ALG9: variants seen among roughly 807,000 people sequenced by gnomAD.
ALG9 encodes the protein ALG9 alpha-1,2-mannosyltransferase, also known as alpha-1,2-mannosyltransferase ALG9.
A neutral mutation model predicts 81.8 loss-of-function variants in ALG9; 55 were observed. The observed-to-expected ratio is 0.67, with a 90% confidence interval of 0.54 to 0.84. The LOEUF (loss-of-function observed/expected upper bound fraction) is 0.84. ALG9 is among the 40% of genes least tolerant of loss of function. The pLI is 0.00. For missense variants in ALG9, 629 were observed against 745.0 expected, an observed-to-expected ratio of 0.84 and a Z score of 1.81; for synonymous variants, 278 against 274.3, an observed-to-expected ratio of 1.01 and a Z score of -0.13.
chr11:111,842,953 T>C (rs1956447332), intron 9 of ALG9, among the ~76,000 whole-genome samples: 1 of 152,080 alleles, frequency 6.6e-6, no homozygotes, highest in Non-Finnish European at 1.5e-5. Context: ...ATTATTATTG[T>C]TGTTTTTAAA....
intron 14 of ALG9, chr11:111,798,074 G>A (rs1948565482): frequency 1.2e-5 from 2 of 161,294 alleles, no homozygotes; most frequent in South Asian, 1.3e-4. Context: ...GTGGTAGTCC[G>A]TGCCTGCAGT....
intron 5 of ALG9, chr11:111,858,030 T>C: frequency 5.4e-6 from 2 of 372,102 alleles, no homozygotes; most frequent in South Asian, 4.3e-5. Flanking sequence ...CCTGATTCCC[T>C]GGTTCAAGCG....
chr11:111,817,969 G>A (rs1951772249), intron 13 of ALG9, among the ~76,000 whole-genome samples: 2 of 151,144 alleles, frequency 1.3e-5, no homozygotes, highest in Admixed American at 6.6e-5. Flanking sequence ...AATAGAGACG[G>A]GATTTCACCA....
intron 13 of ALG9, among the ~76,000 whole-genome samples, chr11:111,810,633 G>A (rs1266601160): frequency 2.0e-5 from 3 of 152,160 alleles, no homozygotes; most frequent in Non-Finnish European, 2.9e-5. Flanking sequence ...GCACATATCT[G>A]TAGTTCCAAC....
chr11:111,812,276 A>C (rs1265649634), intron 13 of ALG9, among the ~76,000 whole-genome samples: 1 of 152,154 alleles, frequency 6.6e-6, no homozygotes, highest in Middle Eastern at 3.2e-3. Flanking sequence ...ATTCTTAAAA[A>C]AGAAGAACAG....
chr11:111,857,278 A>G (rs1329694095), intron 6 of ALG9, among the ~76,000 whole-genome samples: 1 of 152,276 alleles, frequency 6.6e-6, no homozygotes, highest in East Asian at 1.9e-4. Context: ...CTTAAAGGTA[A>G]ATTATTCAAA....
At chr11:111,768,762 A>G in the ALG9 span, 1 of 150,900 alleles carries the variant, frequency 6.6e-6, no homozygotes, top group Non-Finnish European at 1.5e-5. Flanking sequence ...CCTGGACTCA[A>G]GCAATCCTCC....
chr11:111,833,336 G>A (rs1555114624), intron 13 of ALG9, among the ~76,000 whole-genome samples: 1 of 152,152 alleles, frequency 6.6e-6, no homozygotes, highest in African/African-American at 2.4e-5. Flanking sequence ...ATGTACCCCT[G>A]TAAATGCTTC....
chr11:111,835,795 G>C (rs1182574618), intron 13 of ALG9, among the ~76,000 whole-genome samples: 1 of 152,186 alleles, frequency 6.6e-6, no homozygotes. Context: ...CTGTTGCCCA[G>C]GCTGGAGTGC....
chr11:111,836,331 G>A (rs1555117675), intron 12 of ALG9, 37 bp from the exon 13 acceptor site: 7 of 1,612,236 alleles, frequency 4.3e-6, no homozygotes, highest in Non-Finnish European at 5.9e-6. Flanking sequence ...AAAACACAGG[G>A]GGATAATATT....
chr11:111,822,992 C>T lies in ALG9; in HGVS notation c.1602+13173G>A, dbSNP rs187286733. Among the ~76,000 whole-genome samples, 31 of 152,324 alleles carry T rather than the reference C, an allele frequency of 2.0e-4. No homozygotes were observed. The Middle Eastern group carries it at 0.014, about 67-fold the overall frequency. On this transcript the variant is annotated intron_variant, in intron 13 of 14. Coordinates refer to ENST00000616540, the MANE Select transcript of ALG9 (RefSeq NM_024740.2). ...TGAGCCGAGATCACACCATTGCCCT[C>T]CAGCCTGGGCAACAAAACTGAAACT...
chr11:111,866,845 G>A (rs370673626), intron 3 of ALG9, among the ~76,000 whole-genome samples: 1 of 151,360 alleles, frequency 6.6e-6, no homozygotes, highest in East Asian at 1.9e-4. Flanking sequence ...CGTAATCCCA[G>A]CACTTTGGAG....
chr11:111,809,073 T>C (rs1442206900), intron 14 of ALG9, among the ~76,000 whole-genome samples: 2 of 152,212 alleles, frequency 1.3e-5, no homozygotes, highest in Non-Finnish European at 1.5e-5. Context: ...TAGCTGAAGT[T>C]GGTTGCCAAA....
At position 111,786,230 on chromosome 11, in the gene ALG9, T is replaced by C. The variant is rs1443422706; in HGVS notation, c.*167A>G. 8 of 1,117,774 alleles carry C rather than the reference T, an allele frequency of 7.2e-6. No homozygotes were observed. The highest frequency in any genetic ancestry group is 4.6e-5 in the African/African-American group (3 of 65,044). 69.2% of individuals were successfully genotyped at this position (1,117,774 alleles called of 1,614,324 possible). A position where few individuals can be genotyped will look rare whatever the true frequency, so the allele number is the denominator to read the frequency against. On this transcript the variant is annotated 3_prime_UTR_variant, in exon 15 of 15. Transcript: ENST00000616540. Reference sequence around the variant, plus strand: ...ACACACACAGGGAGCAAATGTGACTTTGATTAGACTTTGAAATAGACTTTG... The same window carrying C: ...ACACACACAGGGAGCAAATGTGACTCTGATTAGACTTTGAAATAGACTTTG...
In ALG9 at chr11:111,786,076, G is replaced by A. The variant is rs1555062926; in HGVS notation, c.*321C>T. On this transcript the variant is annotated 3_prime_UTR_variant, in exon 15 of 15. Coordinates refer to ENST00000616540, the MANE Select transcript of ALG9 (RefSeq NM_024740.2). Reference sequence around the variant, plus strand: ...GGATTTTCAATTCTTCCTGTAAGTTGGTTCTGCTCTTCTCCGGTCTAGTAA... The same window carrying A: ...GGATTTTCAATTCTTCCTGTAAGTTAGTTCTGCTCTTCTCCGGTCTAGTAA... 2.2e-6 allele frequency: 1 copy of A among 464,500 alleles called. No individual in the cohort carries two copies. Among genetic ancestry groups the A allele is most frequent in the Non-Finnish European group, 4.3e-6 (1 of 232,344 alleles). The allele number at this position is 464,500 out of a possible 1,614,324, so 28.8% of individuals were successfully genotyped here.
chr11:111,801,546 T>C (rs1400105561), intron 14 of ALG9, among the ~76,000 whole-genome samples: 1 of 152,230 alleles, frequency 6.6e-6, no homozygotes. Context: ...TTAATTCTTA[T>C]AACAATCCCA....
At chr11:111,774,418 T>C in the ALG9 span, among the ~76,000 whole-genome samples, 2 of 152,280 alleles carry the variant, frequency 1.3e-5, no homozygotes, top group African/African-American at 4.8e-5. Context: ...AGGGCCAGAA[T>C]AGTGTACATA....
At chr11:111,837,821 A>G (rs958574948) in intron 11 of ALG9, among the ~76,000 whole-genome samples, 1 of 152,190 alleles carries the variant, frequency 6.6e-6, no homozygotes, top group South Asian at 2.1e-4. Flanking sequence ...CCTATTCTGC[A>G]AAAAATAATT....
intron 13 of ALG9, among the ~76,000 whole-genome samples, chr11:111,815,780 A>G (rs1417894533): frequency 2.0e-5 from 3 of 152,256 alleles, no homozygotes; most frequent in East Asian, 3.8e-4. Flanking sequence ...TCATTTAAAT[A>G]AAACTGGTAA....
Sources: allele counts gnomAD v4.1 joint callset (sites outside exome capture counted in the v4.1 genomes callset), GRCh38; gene constraint gnomAD v4.1.1; transcripts MANE v1.5; gene names NCBI Gene and HGNC (gene_info 2026-07-23, HGNC 2026-07-21).